Variants in AKAP6 observed in about 807,000 individuals in gnomAD.
AKAP6 encodes A-kinase anchoring protein 6.
A neutral mutation model predicts 188.5 loss-of-function variants in AKAP6; 58 were observed. That is an observed-to-expected ratio of 0.31 (90% CI 0.25 to 0.38). The LOEUF (loss-of-function observed/expected upper bound fraction) is 0.38, where lower values mean the gene tolerates loss of function less well. AKAP6 is among the 10% of genes least tolerant of loss of function. The pLI, the probability that AKAP6 is intolerant of heterozygous loss-of-function variation, is 1.00. For synonymous variants in AKAP6, 989 were observed against 998.6 expected (o/e 0.99, Z 0.18); for missense variants, 2,710 against 2,740.0 (o/e 0.99, Z 0.24).
chr14:32,732,835 C>A (rs1354952996), intron 10 of AKAP6: 1 of 607,812 alleles, frequency 1.6e-6, no homozygotes, highest in Admixed American at 3.0e-5. Context: ...TTCTTTAATA[C>A]ATGAAAAAGT....
intron 11 of AKAP6, among the ~76,000 whole-genome samples, chr14:32,740,658 GT>G (rs1482952388): frequency 2.0e-5 from 3 of 151,892 alleles, no homozygotes; most frequent in Non-Finnish European, 4.4e-5. Context: ...TTCTTGGCAA[GT>G]TTGTTGAAAA....
At position 32,821,965 on chromosome 14, in the gene AKAP6, T is replaced by C. The variant is rs1405360796; in HGVS notation, c.4152T>C (p.Asn1384=). 1 of 1,613,952 alleles carries C rather than the reference T, an allele frequency of 6.2e-7. No homozygotes were observed. Among genetic ancestry groups the C allele is most frequent in the African/African-American group, 1.3e-5 (1 of 75,016 alleles). ...TTTNSEMCLL[N]AVDGSPSNLE... ...CCAACTCTGAAATGTGCTTGCTCAA[T>C]GCAGTGGATGGGTCCCCAAGTAACC... Residue 1384 remains asparagine (N), a synonymous_variant, in exon 13 of 14, where the codon AAT becomes AAC. Transcript: ENST00000280979.
intron 7 of AKAP6, among the ~76,000 whole-genome samples, chr14:32,611,836 A>G (rs1247297593): frequency 1.3e-5 from 2 of 152,202 alleles, no homozygotes; most frequent in Non-Finnish European, 1.5e-5. Flanking sequence ...AGTTTCAGGG[A>G]CAAGAAAGAT....
At chr14:32,337,842 A>G (rs938638768) in intron 1 of AKAP6, among the ~76,000 whole-genome samples, 13 of 151,970 alleles carry the variant, frequency 8.6e-5, no homozygotes, top group Admixed American at 8.5e-4. Context: ...ATGGAGAAAA[A>G]GATAACATAA....
intron 7 of AKAP6, among the ~76,000 whole-genome samples, chr14:32,629,337 C>T (rs946026131): frequency 6.8e-6 from 1 of 146,536 alleles, no homozygotes; most frequent in Non-Finnish European, 1.5e-5. Context: ...GTCATTTAAA[C>T]GTGTCACATT....
chr14:32,550,442 T>A (rs1883405555), intron 4 of AKAP6, among the ~76,000 whole-genome samples: 1 of 152,198 alleles, frequency 6.6e-6, no homozygotes, highest in South Asian at 2.1e-4. Context: ...CTGGAAATTG[T>A]TAATGGTTTG....
intron 1 of AKAP6, among the ~76,000 whole-genome samples, chr14:32,415,826 G>A (rs1489379856): frequency 6.6e-6 from 1 of 152,082 alleles, no homozygotes; most frequent in Admixed American, 6.6e-5. Context: ...TTAGCATAAT[G>A]TCCTCAAGGT....
At chr14:32,499,456 G>A (rs927188833) in intron 2 of AKAP6, among the ~76,000 whole-genome samples, 2 of 151,722 alleles carry the variant, frequency 1.3e-5, no homozygotes, top group African/African-American at 4.8e-5. Context: ...TATACAATTA[G>A]GAAAGTTGTT....
At chr14:32,525,012 T>TA (rs111614897) in intron 2 of AKAP6, among the ~76,000 whole-genome samples, 13,916 of 152,078 alleles carry the variant, frequency 0.092, 684 homozygotes, top group Non-Finnish European at 0.11. Flanking sequence ...GAAACACTGC[T>TA]AAAAAAAATC....
chr14:32,393,115 G>T (rs908374886), intron 1 of AKAP6, among the ~76,000 whole-genome samples: 1 of 151,988 alleles, frequency 6.6e-6, no homozygotes, highest in Non-Finnish European at 1.5e-5. Flanking sequence ...AAAATGCCTA[G>T]TAATTTCAAA....
At chr14:32,481,143 TA>T (rs1488555606) in intron 2 of AKAP6, among the ~76,000 whole-genome samples, 1 of 152,204 alleles carries the variant, frequency 6.6e-6, no homozygotes, top group African/African-American at 2.4e-5. Flanking sequence ...TCTGCATCCA[TA>T]TATAAAGATC....
At chr14:32,354,567 A>G (rs1018447474) in intron 1 of AKAP6, among the ~76,000 whole-genome samples, 3 of 152,198 alleles carry the variant, frequency 2.0e-5, no homozygotes, top group South Asian at 2.1e-4. Flanking sequence ...GCTTATCCAG[A>G]TCTTAAACTT....
At chr14:32,652,846 A>T (rs1888289213) in intron 7 of AKAP6, among the ~76,000 whole-genome samples, 1 of 152,128 alleles carries the variant, frequency 6.6e-6, no homozygotes, top group Non-Finnish European at 1.5e-5. Flanking sequence ...TGAACCCAGG[A>T]GTTTGAAACC....
chr14:32,504,342 A>G (rs1334798173), intron 2 of AKAP6, among the ~76,000 whole-genome samples: 1 of 152,098 alleles, frequency 6.6e-6, no homozygotes, highest in Non-Finnish European at 1.5e-5. Context: ...GTGTGGTGGC[A>G]TGATCTTGGG....
chr14:32,514,196 T>C (rs1566548904), intron 2 of AKAP6, among the ~76,000 whole-genome samples: 3 of 152,218 alleles, frequency 2.0e-5, no homozygotes, highest in Non-Finnish European at 4.4e-5. Context: ...TGTTGTTATC[T>C]AATTTTCAGA....
chr14:32,577,316 A>G, intron 5 of AKAP6, 74 bp downstream of exon 5: 1 of 1,551,376 alleles, frequency 6.4e-7, no homozygotes, highest in Non-Finnish European at 8.7e-7. Flanking sequence ...TTTATGAGAA[A>G]TATCAATTTT....
chr14:32,640,258 A>G (rs1412877850), intron 7 of AKAP6, among the ~76,000 whole-genome samples: 1 of 152,112 alleles, frequency 6.6e-6, no homozygotes, highest in Non-Finnish European at 1.5e-5. Flanking sequence ...TTCAACCTTA[A>G]TGATATTTCA....
rs1425629522 is a variant in AKAP6, at chr14:32,711,329, C to T, written c.3000+15219C>T. 3.9e-5 allele frequency among the ~76,000 whole-genome samples: 6 copies of T among 152,024 alleles called. 1 individual carries two copies. The highest frequency in any genetic ancestry group is 8.8e-5 in the Non-Finnish European group (6 of 67,980). On this transcript the variant is annotated intron_variant, in intron 9 of 13. Transcript: ENST00000280979. ...AACCAAAGAAAATCAGAAAGTGGAT[C>T]CTATACATTTCTTTCAACTGTGGTT...
intron 7 of AKAP6, among the ~76,000 whole-genome samples, chr14:32,662,458 A>G (rs902618523): frequency 6.6e-6 from 1 of 152,144 alleles, no homozygotes; most frequent in Non-Finnish European, 1.5e-5. Flanking sequence ...AAGAAACCAG[A>G]TGAATCATCA....
Sources: allele counts gnomAD v4.1 joint callset (sites outside exome capture counted in the v4.1 genomes callset), GRCh38; gene constraint gnomAD v4.1.1; transcripts MANE v1.5; gene names NCBI Gene and HGNC (gene_info 2026-07-23, HGNC 2026-07-21).